The following DPP6 variants were observed in gnomAD, a reference collection of about 807,000 sequenced individuals.
The protein encoded by DPP6 is dipeptidyl peptidase like 6, also known as A-type potassium channel modulatory protein DPP6.
A neutral mutation model predicts 122.6 loss-of-function variants in DPP6; 69 were observed. The ratio of observed to expected loss-of-function variants is 0.56; its 90% CI spans 0.46 to 0.69. The LOEUF (loss-of-function observed/expected upper bound fraction) is 0.69. DPP6 is among the 30% of genes least tolerant of loss of function. The probability of loss-of-function intolerance (pLI) is 0.00; values close to 1 mark genes in which losing one functional copy is unlikely to be tolerated. For synonymous variants in DPP6, 418 were observed against 433.1 expected (o/e 0.97, Z 0.43); for missense variants, 928 against 1,116.9 (o/e 0.83, Z 2.41).
upstream of DPP6, among the ~76,000 whole-genome samples, chr7:153,885,675 A>G (rs1798884739): frequency 6.6e-6 from 1 of 152,164 alleles, no homozygotes; most frequent in Non-Finnish European, 1.5e-5. Context: ...GACAAATCCC[A>G]ACAGAGAAGA....
At chr7:154,373,751 C>T (rs1364701519) in intron 1 of DPP6, among the ~76,000 whole-genome samples, 1 of 152,100 alleles carries the variant, frequency 6.6e-6, no homozygotes, top group Non-Finnish European at 1.5e-5. Context: ...TTCCTTATCC[C>T]GAACGGAAAC....
At chr7:154,581,857 G>A (rs1316913387) in intron 5 of DPP6, among the ~76,000 whole-genome samples, 2 of 152,284 alleles carry the variant, frequency 1.3e-5, no homozygotes, top group South Asian at 4.1e-4. Flanking sequence ...CGGGGTTACC[G>A]AAAAGGCCCC....
chr7:153,793,216 G>A, the DPP6 span, among the ~76,000 whole-genome samples: 1,471 of 151,836 alleles, frequency 9.7e-3, 5 homozygotes, highest in African/African-American at 0.032. Context: ...GAAAATGTGG[G>A]AAAGTTTGCA....
intron 3 of DPP6, among the ~76,000 whole-genome samples, chr7:154,517,866 A>G (rs1826652602): frequency 6.6e-6 from 1 of 152,192 alleles, no homozygotes; most frequent in Non-Finnish European, 1.5e-5. Flanking sequence ...ATCGCACTGC[A>G]AGTTACAATT....
At chr7:154,195,011 T>C (rs1798794917) in intron 1 of DPP6, among the ~76,000 whole-genome samples, 1 of 152,176 alleles carries the variant, frequency 6.6e-6, no homozygotes, top group Admixed American at 6.5e-5. Flanking sequence ...AGTTTGCCAG[T>C]TGGTTCTCTT....
At chr7:154,438,386 C>G (rs765579153) in intron 1 of DPP6, among the ~76,000 whole-genome samples, 2 of 130,514 alleles carry the variant, frequency 1.5e-5, no homozygotes, top group Non-Finnish European at 3.1e-5. Flanking sequence ...AGGAGAACGG[C>G]GTGAACCCAG....
At position 154,540,471 on chromosome 7, in the gene DPP6, C is replaced by A; in HGVS notation, c.458-61C>A. The A allele has an allele frequency of 2.8e-6, 3 of 1,077,416 alleles. No individual in the cohort carries two copies. The South Asian group carries it at 4.1e-5, about 15-fold the overall frequency. 66.7% of individuals were successfully genotyped at this position (1,077,416 alleles called of 1,614,324 possible). On this transcript the variant is annotated intron_variant, in intron 3 of 25. Transcript: ENST00000377770. ...GATTTTACTTTACATAAGCATTCGT[C>A]AAAAGTTGAGGAGAGTTCCTTGATG...
At chr7:154,209,814 T>G (rs1355334518) in intron 1 of DPP6, among the ~76,000 whole-genome samples, 1 of 152,184 alleles carries the variant, frequency 6.6e-6, no homozygotes, top group Non-Finnish European at 1.5e-5. Flanking sequence ...AATAGGAATA[T>G]TAAGATTGCA....
At chr7:154,005,427 C>G (rs1259941596) in intron 1 of DPP6, among the ~76,000 whole-genome samples, 3 of 151,702 alleles carry the variant, frequency 2.0e-5, no homozygotes, top group African/African-American at 7.3e-5. Context: ...TCCTTGTGGT[C>G]AGACCCCGGG....
In DPP6 at chr7:154,241,526, C is replaced by G. The variant is rs1034676973; in HGVS notation, c.243+188463C>G. Among the ~76,000 whole-genome samples, 1 of 152,028 alleles carries G rather than the reference C, an allele frequency of 6.6e-6. No individual in the cohort carries two copies. Among genetic ancestry groups the G allele is most frequent in the East Asian group, 1.9e-4 (1 of 5,156 alleles). ...AGTGAGTTGTGGTCACTCCACTGCACTGCAGCCTGAGTAACAAAGTGAGAC... is the reference window on the plus strand; with the variant it reads ...AGTGAGTTGTGGTCACTCCACTGCAGTGCAGCCTGAGTAACAAAGTGAGAC... On this transcript the variant is annotated intron_variant, in intron 1 of 25. Coordinates refer to ENST00000377770, the MANE Select transcript of DPP6 (RefSeq NM_130797.4). The surrounding 1 kb of genome is among the most constrained non-coding windows in gnomAD (Gnocchi z 9.0).
chr7:153,749,453 GGGCGCT>G, the DPP6 span, among the ~76,000 whole-genome samples: 1 of 152,142 alleles, frequency 6.6e-6, no homozygotes, highest in African/African-American at 2.4e-5. The surrounding 1 kb of genome is among the most constrained non-coding windows in gnomAD (Gnocchi z 4.1). Flanking sequence ...GCTCTCCCGC[GGGCGCT>G]GGCGCTGGCT....
chr7:153,781,798 G>T, the DPP6 span, among the ~76,000 whole-genome samples: 3 of 151,964 alleles, frequency 2.0e-5, no homozygotes, highest in African/African-American at 7.3e-5. Flanking sequence ...TATAGAAAAA[G>T]ATGACACTTG....
chr7:154,792,332 C>T (rs766935217), intron 10 of DPP6, among the ~76,000 whole-genome samples: 1 of 152,268 alleles, frequency 6.6e-6, no homozygotes, highest in Non-Finnish European at 1.5e-5. Flanking sequence ...TCCCTGCACA[C>T]GCTTCAGCGT....
intron 5 of DPP6, among the ~76,000 whole-genome samples, chr7:154,594,273 G>A (rs544810400): frequency 6.6e-6 from 1 of 152,200 alleles, no homozygotes; most frequent in African/African-American, 2.4e-5. Context: ...TTTTGCCCAC[G>A]TATTAATGCT....
chr7:153,978,908 T>C (rs538610476), intron 1 of DPP6, among the ~76,000 whole-genome samples: 1 of 152,218 alleles, frequency 6.6e-6, no homozygotes, highest in Admixed American at 6.5e-5. Context: ...TTGGTTGATA[T>C]ATCTGTTTTG....
chr7:154,653,864 T>A (rs1837046718), intron 6 of DPP6, among the ~76,000 whole-genome samples: 1 of 152,146 alleles, frequency 6.6e-6, no homozygotes. Context: ...CAAGCTCCCT[T>A]TAATTACAAA....
intron 3 of DPP6, among the ~76,000 whole-genome samples, chr7:154,521,681 A>AT (rs374809710): frequency 1.6e-4 from 25 of 152,298 alleles, no homozygotes; most frequent in African/African-American, 6.0e-4. Flanking sequence ...AGCTGTGATT[A>AT]TTTTTTTGAA....
the DPP6 span, among the ~76,000 whole-genome samples, chr7:153,856,032 G>C: frequency 1.3e-5 from 2 of 152,140 alleles, no homozygotes; most frequent in Non-Finnish European, 2.9e-5. Flanking sequence ...TCTGTACTGG[G>C]CAAGCACCAA....
chr7:154,247,368 T>C (rs1393087963), intron 1 of DPP6, among the ~76,000 whole-genome samples: 1 of 152,204 alleles, frequency 6.6e-6, no homozygotes, highest in African/African-American at 2.4e-5. Flanking sequence ...TCAATTCCAT[T>C]TGTGTGACAA....
Sources: gnomAD v4.1 joint callset for allele counts (sites outside exome capture counted in the v4.1 genomes callset) on GRCh38, gnomAD v4.1.1 for gene constraint, Gnocchi (gnomAD v3.1) non-coding constraint, MANE v1.5 for transcripts, NCBI Gene and HGNC (gene_info 2026-07-23, HGNC 2026-07-21) for gene names.